Variants in AMN1 observed in about 807,000 individuals in gnomAD.
The protein encoded by AMN1 is protein AMN1 homolog.
Under a neutral mutation model 33.0 loss-of-function variants are expected in AMN1, and 20 were observed. The observed-to-expected ratio is 0.61, with a 90% CI of 0.43 to 0.88. The LOEUF (loss-of-function observed/expected upper bound fraction) is 0.88, where lower values mean the gene tolerates loss of function less well. Among genes scored for constraint, AMN1 ranks in the 40% least tolerant of loss-of-function variants. The pLI, the probability that AMN1 is intolerant of heterozygous loss-of-function variation, is 0.00. For missense variants in AMN1, 246 were observed against 307.4 expected, an observed-to-expected ratio of 0.80 and a Z score of 1.49; for synonymous variants, 114 against 111.9, an observed-to-expected ratio of 1.02 and a Z score of -0.12.
rs190825460 is a variant in AMN1 at position 31,681,250 on chromosome 12, C to T, written c.703+7757G>A. 2.2e-3 allele frequency among the ~76,000 whole-genome samples: 341 copies of T among 151,594 alleles called. 1 individual carries two copies. The highest frequency in any genetic ancestry group is 6.3e-3 in the African/African-American group (259 of 41,328). Reference sequence around the variant, plus strand: ...TTATTTTTATTTATTTTTTTTGAGACGAAGTTTCGCTCTTGTTGCTCAGGC... The same window carrying T: ...TTATTTTTATTTATTTTTTTTGAGATGAAGTTTCGCTCTTGTTGCTCAGGC... On this transcript the variant is annotated intron_variant, in intron 6 of 6. Coordinates refer to ENST00000281471, the MANE Select transcript of AMN1 (RefSeq NM_001113402.2).
chr12:31,726,175 TGGGGGGACGG>T (rs1940059408), intron 1 of AMN1, among the ~76,000 whole-genome samples: 1 of 150,278 alleles, frequency 6.7e-6, no homozygotes. Context: ...TTTTTTTTTT[TGGGGGGACGG>T]AGTTTCGCTC....
intron 6 of AMN1, among the ~76,000 whole-genome samples, chr12:31,676,319 A>G (rs1326594478): frequency 1.3e-5 from 2 of 151,532 alleles, no homozygotes; most frequent in African/African-American, 2.4e-5. Context: ...GCAGAAATCA[A>G]TAAGATGGGG....
intron 2 of AMN1, among the ~76,000 whole-genome samples, chr12:31,708,047 T>C (rs1939316656): frequency 6.6e-6 from 1 of 152,142 alleles, no homozygotes; most frequent in Non-Finnish European, 1.5e-5. Flanking sequence ...AAAACATGTG[T>C]TTGAACAATA....
At chr12:31,702,126 A>G (rs1025221017) in intron 2 of AMN1, 119 bp from the exon 3 acceptor site, 12 of 884,432 alleles carry the variant, frequency 1.4e-5, no homozygotes, top group Non-Finnish European at 2.0e-5. Context: ...TACAGCAAAG[A>G]ATACAGAAGC....
chr12:31,685,432 T>C (rs1022106919), intron 6 of AMN1, among the ~76,000 whole-genome samples: 5 of 152,222 alleles, frequency 3.3e-5, no homozygotes, highest in African/African-American at 1.2e-4. Flanking sequence ...AAGCTGTCCA[T>C]TGAAGGATCA....
intron 6 of AMN1, among the ~76,000 whole-genome samples, chr12:31,688,719 G>A (rs1164715546): frequency 2.0e-5 from 3 of 152,176 alleles, no homozygotes; most frequent in African/African-American, 7.2e-5. Context: ...GCTGAGGCAG[G>A]AGAATTGCTT....
At chr12:31,690,565 T>C (rs997868468) in intron 5 of AMN1, among the ~76,000 whole-genome samples, 9 of 152,150 alleles carry the variant, frequency 5.9e-5, no homozygotes, top group Non-Finnish European at 1.0e-4. Context: ...CTTTTGAGAA[T>C]TGTCTATTCA....
rs1431517909 is a variant in AMN1, at chr12:31,697,968, A to G, written c.317-11T>C. 6.2e-7 allele frequency: 1 copy of G among 1,610,718 alleles called. No homozygotes were observed. Among genetic ancestry groups the G allele is most frequent in the Admixed American group, 1.7e-5 (1 of 59,996 alleles). The stretch of plus-strand genomic sequence containing the variant: ...CCACAGCTTTTATTCCTGGGGGAAA[A>G]TATAATTATATATCAATGAGCTATA... On this transcript the variant is annotated splice_polypyrimidine_tract_variant and intron_variant, in intron 3 of 6. Transcript: ENST00000281471.
intron 2 of AMN1, 161 bp downstream of exon 2, chr12:31,709,132 A>T: frequency 1.3e-6 from 1 of 777,578 alleles, no homozygotes; most frequent in Non-Finnish European, 2.2e-6. Context: ...CTGAGATTGC[A>T]CCACTGTACT....
At position 31,697,377 on chromosome 12, in the gene AMN1, C is replaced by G. The variant is rs760350187; in HGVS notation, c.575G>C (p.Cys192Ser). 2 of 1,612,098 alleles carry G rather than the reference C, an allele frequency of 1.2e-6. No homozygotes were observed. Among genetic ancestry groups the G allele is most frequent in the Admixed American group, 3.3e-5 (2 of 59,944 alleles). The change falls in exon 5 of 7, where the codon TGT becomes TCT. Residue 192 changes from cysteine to serine, a missense_variant. Cys to Ser is a moderately radical substitution (Grantham distance 112, BLOSUM62 -1). Coordinates refer to ENST00000281471, the MANE Select transcript of AMN1 (RefSeq NM_001113402.2). Reference protein sequence around the residue: ...SGVIALVSGPCAKKLEEIHMG... With the variant: ...SGVIALVSGPSAKKLEEIHMG... ...TAAAATTACCTCTAATTTCTTCGCACAAGGTCCACTAACAAGTGCAATCAC... is the reference window on the plus strand; with the variant it reads ...TAAAATTACCTCTAATTTCTTCGCAGAAGGTCCACTAACAAGTGCAATCAC...
intron 5 of AMN1, among the ~76,000 whole-genome samples, chr12:31,696,562 G>C (rs1200666221): frequency 6.6e-6 from 1 of 152,072 alleles, no homozygotes; most frequent in Admixed American, 6.6e-5. Flanking sequence ...GGGATAAAAG[G>C]CTTCTTAATA....
chr12:31,696,983 C>G lies in AMN1; in HGVS notation c.591+378G>C, dbSNP rs998745019. 5.9e-5 allele frequency among the ~76,000 whole-genome samples: 9 copies of G among 151,540 alleles called. No individual in the cohort carries two copies. In the East Asian group the frequency reaches 1.6e-3, roughly 26 times the overall value. ...GTGGCTATCAAGAAAAATAGGATGA[C>G]AGGATGTCAAGAGAATTAATACTCC... is the stretch of plus-strand genomic sequence containing the variant. On this transcript the variant is annotated intron_variant, in intron 5 of 6. Transcript: ENST00000281471.
intron 1 of AMN1, among the ~76,000 whole-genome samples, chr12:31,717,715 T>A (rs74725748): frequency 1.7e-4 from 26 of 152,194 alleles, no homozygotes; most frequent in East Asian, 1.5e-3. Flanking sequence ...TTTTTTTTTT[T>A]AATTTTACTT....
At chr12:31,699,612 G>A (rs1233506776) in intron 3 of AMN1, among the ~76,000 whole-genome samples, 1 of 151,984 alleles carries the variant, frequency 6.6e-6, no homozygotes, top group Non-Finnish European at 1.5e-5. Flanking sequence ...CTGTTCATCT[G>A]TATCCTTTAT....
At chr12:31,682,221 C>CT (rs754146175) in intron 6 of AMN1, among the ~76,000 whole-genome samples, 67 of 152,282 alleles carry the variant, frequency 4.4e-4, no homozygotes, top group Admixed American at 1.9e-3. Context: ...CATATAAACA[C>CT]TTTTTGTTTT....
chr12:31,686,198 C>A (rs1173830838), intron 6 of AMN1, among the ~76,000 whole-genome samples: 1 of 152,124 alleles, frequency 6.6e-6, no homozygotes. Context: ...GTAATCCCAG[C>A]ACTTTGGGAG....
Position 31,701,937 on chromosome 12 carries a change from A to AG in AMN1, c.241dup (p.Leu81ProfsTer3). 1 of 1,609,910 alleles carries AG rather than the reference A, an allele frequency of 6.2e-7. No homozygotes were observed. Among genetic ancestry groups the AG allele is most frequent in the South Asian group, 1.1e-5 (1 of 89,810 alleles). ...TTTCTTCAGTTTTCTACAGTTAGAC[A>AG]GGTGCAGGAGAGCAGCATCTGATAT... On this transcript the variant is annotated frameshift_variant, in exon 3 of 7. Transcript: ENST00000281471. LOFTEE classifies it high-confidence loss of function.
In AMN1 at chr12:31,697,641, C is replaced by CA. The variant is rs1273765215; in HGVS notation, c.534+98dup. The CA allele has an allele frequency of 2.2e-6, 3 of 1,350,810 alleles. No individual in the cohort carries two copies. In the African/African-American group the frequency reaches 4.3e-5, roughly 20 times the overall value. The allele number at this position is 1,350,810 out of a possible 1,614,324, so 83.7% of individuals were successfully genotyped here. A position where few individuals can be genotyped will look rare whatever the true frequency, so the allele number is the denominator to read the frequency against. ...AGCATGAAGTGGTCAATAGTTTCAA[C>CA]AAAAACAAAATGAACTCCTTATGAT... On this transcript the variant is annotated intron_variant, in intron 4 of 6. Coordinates refer to ENST00000281471, the MANE Select transcript of AMN1 (RefSeq NM_001113402.2).
At chr12:31,692,853 G>C (rs1037851344) in intron 5 of AMN1, among the ~76,000 whole-genome samples, 4 of 151,974 alleles carry the variant, frequency 2.6e-5, no homozygotes, top group Non-Finnish European at 4.4e-5. Context: ...TAATTATAAG[G>C]ATTAAAGAAA....
Sources: gnomAD v4.1 joint callset for allele counts (sites outside exome capture counted in the v4.1 genomes callset) on GRCh38, gnomAD v4.1.1 for gene constraint, MANE v1.5 for transcripts, NCBI Gene and HGNC (gene_info 2026-07-23, HGNC 2026-07-21) for gene names.